The following FRK variants were observed in gnomAD, a reference collection of about 807,000 sequenced individuals.
FRK encodes tyrosine-protein kinase FRK.
In FRK, 51 loss-of-function variants were observed where a neutral mutation model predicts 56.4. That is an observed-to-expected ratio of 0.90 (90% confidence interval 0.72 to 1.14). FRK has a LOEUF of 1.14. Ranked by LOEUF, FRK falls within the 50% of genes most tolerant of loss-of-function variation. FRK has a pLI of 0.00. For missense variants in FRK, 570 were observed against 601.4 expected (o/e 0.95, Z 0.55); for synonymous variants, 245 against 217.9 (o/e 1.12, Z -1.10).
At chr6:116,088,467 A>C in the FRK span, among the ~76,000 whole-genome samples, 1 of 152,204 alleles carries the variant, frequency 6.6e-6, no homozygotes, top group African/African-American at 2.4e-5. Flanking sequence ...CTGATTTCTT[A>C]AGGGCAAGGA....
intron 1 of FRK, among the ~76,000 whole-genome samples, chr6:116,042,455 T>G (rs1776759181): frequency 6.6e-6 from 1 of 152,138 alleles, no homozygotes; most frequent in African/African-American, 2.4e-5. Context: ...AAAATAATTT[T>G]CAACCCAAAA....
At chr6:116,020,714 G>A (rs141427428) in intron 1 of FRK, among the ~76,000 whole-genome samples, 7 of 152,106 alleles carry the variant, frequency 4.6e-5, no homozygotes, top group African/African-American at 1.4e-4. Context: ...AACTATTTTT[G>A]TAAACAGTAA....
intron 2 of FRK, among the ~76,000 whole-genome samples, chr6:115,980,390 G>A (rs1472281844): frequency 6.7e-6 from 1 of 150,298 alleles, no homozygotes; most frequent in Non-Finnish European, 1.5e-5. Context: ...ACAAAATTAA[G>A]AGAATATCAT....
In FRK at chr6:115,968,649, A is replaced by G; in HGVS notation, c.557T>C (p.Leu186Pro). 4 of 1,613,916 alleles carry G rather than the reference A, an allele frequency of 2.5e-6. No homozygotes were observed. Among genetic ancestry groups the G allele is most frequent in the Non-Finnish European group, 3.4e-6 (4 of 1,179,862 alleles). ...FLTRRRIFST[L>P]NEFVSHYTKT... ...GGTGTAGTGGCTCACAAATTCGTTC[A>G]GTGTTGAAAAGATTCTTCTTCGCGT... Residue 186 changes from leucine to proline, a missense_variant, in exon 3 of 8, where the codon CTG becomes CCG. By Grantham distance (98) the Leu-to-Pro change is moderately conservative. Coordinates refer to ENST00000606080, the MANE Select transcript of FRK (RefSeq NM_002031.3).
chr6:115,935,571 C>T lies in FRK; in HGVS notation c.*6843G>A, dbSNP rs1856359. ...TCTAGCTTGGCGGGTCCCACCCCCA[C>T]GGAGCCCAGCAAGCTAAGATTCACT... On this transcript the variant is annotated 3_prime_UTR_variant, in exon 8 of 8. Coordinates refer to ENST00000606080, the MANE Select transcript of FRK (RefSeq NM_002031.3). The T allele has an allele frequency of 0.041, 6,184 of 152,558 alleles. 338 individuals carry two copies. Among genetic ancestry groups the T allele is most frequent in the Admixed American group, 0.15 (2,285 of 15,298 alleles). 9.5% of individuals were successfully genotyped at this position (152,558 alleles called of 1,614,324 possible). A position where few individuals can be genotyped will look rare whatever the true frequency, so the allele number is the denominator to read the frequency against.
intron 3 of FRK, 44 bp downstream of exon 3, chr6:115,968,532 A>G (rs781370392): frequency 6.3e-7 from 1 of 1,580,084 alleles, no homozygotes; most frequent in Non-Finnish European, 8.6e-7. Flanking sequence ...CTGAAGGAAA[A>G]AAGTTAACTT....
At chr6:115,952,511 T>C (rs1772805075) in intron 5 of FRK, among the ~76,000 whole-genome samples, 1 of 152,078 alleles carries the variant, frequency 6.6e-6, no homozygotes, top group Non-Finnish European at 1.5e-5. Flanking sequence ...GAAGTCAGTG[T>C]GGTGATTCCT....
At position 116,037,339 on chromosome 6, in the gene FRK, A is replaced by G. The variant is rs181855527; in HGVS notation, c.344+22629T>C. 3.5e-3 allele frequency among the ~76,000 whole-genome samples: 537 copies of G among 152,340 alleles called. 1 individual carries two copies. The highest frequency in any genetic ancestry group is 0.012 in the African/African-American group (510 of 41,584). The stretch of plus-strand genomic sequence containing the variant: ...TCTTTTTACATTAAGAAAGATAAAC[A>G]ACACCAAAGTGTAATAGATAATTTG... On this transcript the variant is annotated intron_variant, in intron 1 of 7. Coordinates refer to ENST00000606080, the MANE Select transcript of FRK (RefSeq NM_002031.3).
At chr6:116,079,245 T>C in the FRK span, among the ~76,000 whole-genome samples, 3 of 152,122 alleles carry the variant, frequency 2.0e-5, no homozygotes, top group Admixed American at 1.3e-4. Context: ...ATCAGACTTT[T>C]AATTTTTGCC....
chr6:116,052,173 C>T (rs190697048), intron 1 of FRK, among the ~76,000 whole-genome samples: 83 of 152,232 alleles, frequency 5.5e-4, no homozygotes, highest in African/African-American at 1.9e-3. Flanking sequence ...AATTGGTCTA[C>T]GACTCTTAAG....
intron 1 of FRK, among the ~76,000 whole-genome samples, chr6:116,049,176 T>C (rs2114810320): frequency 6.6e-6 from 1 of 152,318 alleles, no homozygotes; most frequent in East Asian, 1.9e-4. Context: ...CTCTTTAAAC[T>C]ATCATACATG....
chr6:115,987,889 T>C (rs1312204517), intron 2 of FRK, among the ~76,000 whole-genome samples: 1 of 152,094 alleles, frequency 6.6e-6, no homozygotes, highest in Non-Finnish European at 1.5e-5. Flanking sequence ...TATGTAAAAA[T>C]GAAAGTATAA....
chr6:116,009,768 CAA>C (rs778400544), intron 1 of FRK, among the ~76,000 whole-genome samples: 1 of 152,106 alleles, frequency 6.6e-6, no homozygotes, highest in Non-Finnish European at 1.5e-5. Flanking sequence ...TGTAAATTAT[CAA>C]GTGTCTACCG....
chr6:116,012,746 G>C (rs1775518271), intron 1 of FRK, among the ~76,000 whole-genome samples: 1 of 152,116 alleles, frequency 6.6e-6, no homozygotes, highest in Non-Finnish European at 1.5e-5. Flanking sequence ...TCTTTTATTT[G>C]AGCTTGCCAC....
intron 2 of FRK, among the ~76,000 whole-genome samples, chr6:115,984,631 G>A (rs188363842): frequency 4.0e-5 from 6 of 151,816 alleles, no homozygotes; most frequent in South Asian, 2.1e-4. Flanking sequence ...AACATGGCCT[G>A]TTCCATGAGT....
chr6:116,042,164 C>T (rs1014545055), intron 1 of FRK, among the ~76,000 whole-genome samples: 1 of 152,186 alleles, frequency 6.6e-6, no homozygotes, highest in Non-Finnish European at 1.5e-5. Context: ...CACCACAGCA[C>T]TGCAAAGCCG....
intron 1 of FRK, among the ~76,000 whole-genome samples, chr6:116,015,453 C>T (rs766774450): frequency 2.6e-5 from 4 of 152,030 alleles, no homozygotes; most frequent in African/African-American, 4.8e-5. Context: ...TGTGTGAGAA[C>T]GGACTAATAC....
At chr6:116,040,789 G>C (rs1776680943) in intron 1 of FRK, among the ~76,000 whole-genome samples, 1 of 152,156 alleles carries the variant, frequency 6.6e-6, no homozygotes, top group Non-Finnish European at 1.5e-5. Flanking sequence ...AATAGTCTAA[G>C]TCTTGGGCTA....
the FRK span, among the ~76,000 whole-genome samples, chr6:116,066,786 A>G: frequency 6.6e-6 from 1 of 152,054 alleles, no homozygotes; most frequent in Admixed American, 6.5e-5. Context: ...CTAATCAACA[A>G]CATTCTTGTC....
Sources: allele counts gnomAD v4.1 joint callset (sites outside exome capture counted in the v4.1 genomes callset), GRCh38; gene constraint gnomAD v4.1.1; transcripts MANE v1.5; gene names NCBI Gene and HGNC (gene_info 2026-07-23, HGNC 2026-07-21).